The following KAZN variants were observed in gnomAD, a reference collection of about 807,000 sequenced individuals.
The protein encoded by KAZN is kazrin.
Under a neutral mutation model 87.4 loss-of-function variants are expected in KAZN, and 40 were observed. The ratio of observed to expected loss-of-function variants is 0.46; its 90% CI spans 0.36 to 0.60. The LOEUF is 0.60. Ranked by LOEUF, KAZN falls within the 20% of genes least tolerant of loss-of-function variation. The pLI is 0.00. For missense variants in KAZN, 898 were observed against 1,073.9 expected (o/e 0.84, Z 2.29); for synonymous variants, 466 against 458.3 (o/e 1.02, Z -0.22).
chr1:14,669,658 G>A (rs1044518100), intron 1 of KAZN, among the ~76,000 whole-genome samples: 7 of 152,126 alleles, frequency 4.6e-5, no homozygotes, highest in Non-Finnish European at 8.8e-5. Flanking sequence ...GGGATGGGAG[G>A]ATCGCTTGAG....
intron 1 of KAZN, among the ~76,000 whole-genome samples, chr1:14,039,552 G>A (rs1489340800): frequency 1.3e-5 from 2 of 152,162 alleles, no homozygotes; most frequent in Admixed American, 1.3e-4. Context: ...TGAAGGTCAC[G>A]GTAGAGCTTG....
At chr1:14,513,358 T>C (rs1671019868) in intron 2 of KAZN, among the ~76,000 whole-genome samples, 2 of 152,178 alleles carry the variant, frequency 1.3e-5, no homozygotes, top group South Asian at 4.1e-4. Context: ...CCCCATTCTT[T>C]TGTTGATAGA....
intron 2 of KAZN, among the ~76,000 whole-genome samples, chr1:14,403,992 TA>T (rs1663631203): frequency 6.6e-6 from 1 of 152,140 alleles, no homozygotes; most frequent in African/African-American, 2.4e-5. Flanking sequence ...TAAGGTTTTA[TA>T]GAGGAACTTG....
intron 2 of KAZN, among the ~76,000 whole-genome samples, chr1:14,390,417 T>C (rs12745910): frequency 0.11 from 16,213 of 152,270 alleles, 1,139 homozygotes; most frequent in Non-Finnish European, 0.16. Context: ...AAATGTTGCA[T>C]AGGGAAGCCA....
chr1:14,183,961 C>G (rs1423311040), intron 2 of KAZN, among the ~76,000 whole-genome samples: 1 of 152,060 alleles, frequency 6.6e-6, no homozygotes, highest in Non-Finnish European at 1.5e-5. Context: ...TTGCCTAAAA[C>G]TTGGCCTGTA....
At chr1:14,911,514 G>A (rs1657246862) in intron 1 of KAZN, among the ~76,000 whole-genome samples, 1 of 152,196 alleles carries the variant, frequency 6.6e-6, no homozygotes, top group Admixed American at 6.5e-5. Flanking sequence ...GGGAAGTTTG[G>A]GTGGTCCCTG....
intron 1 of KAZN, among the ~76,000 whole-genome samples, chr1:14,139,025 C>T (rs994021033): frequency 2.0e-5 from 3 of 152,210 alleles, no homozygotes; most frequent in Non-Finnish European, 4.4e-5. Context: ...AAAGCGGCAG[C>T]CTTCTCTCCT....
At chr1:14,673,496 G>C (rs1249936360) in intron 1 of KAZN, among the ~76,000 whole-genome samples, 1 of 152,232 alleles carries the variant, frequency 6.6e-6, no homozygotes, top group Non-Finnish European at 1.5e-5. Context: ...AAGGCAGTTT[G>C]AAGAATGCCT....
intron 1 of KAZN, among the ~76,000 whole-genome samples, chr1:14,609,836 T>G (rs1476190551): frequency 1.3e-5 from 2 of 152,240 alleles, no homozygotes; most frequent in African/African-American, 2.4e-5. Context: ...GCAATTTAAG[T>G]TGATTTGTCT....
At chr1:14,695,302 G>A (rs1053501087) in intron 1 of KAZN, among the ~76,000 whole-genome samples, 31 of 151,986 alleles carry the variant, frequency 2.0e-4, no homozygotes, top group Admixed American at 2.0e-3. Context: ...GATCTGTAAG[G>A]TTCTCCTTAT....
chr1:14,400,868 T>C (rs1238839285), intron 2 of KAZN, among the ~76,000 whole-genome samples: 8 of 152,254 alleles, frequency 5.3e-5, no homozygotes, highest in African/African-American at 1.7e-4. Context: ...AGTTTTTTCA[T>C]GACATTCCTA....
intron 1 of KAZN, among the ~76,000 whole-genome samples, chr1:14,105,726 C>T (rs1486919796): frequency 6.6e-6 from 1 of 152,216 alleles, no homozygotes; most frequent in African/African-American, 2.4e-5. Context: ...CCTAGTGCCT[C>T]AAAGGATCGC....
chr1:14,958,947 C>T (rs768489346), intron 1 of KAZN, among the ~76,000 whole-genome samples: 12 of 152,170 alleles, frequency 7.9e-5, no homozygotes, highest in Non-Finnish European at 1.2e-4. Flanking sequence ...AGCCAGGTGC[C>T]AGGTGCTGTT....
chr1:14,208,968 G>A lies in KAZN; in HGVS notation c.249+28376G>A, dbSNP rs558537363. Among the ~76,000 whole-genome samples, 3 of 152,336 alleles carry A rather than the reference G, an allele frequency of 2.0e-5. No individual in the cohort carries two copies. The East Asian group carries it at 5.8e-4, about 29-fold the overall frequency. On this transcript the variant is annotated intron_variant, in intron 2 of 16. Transcript: ENST00000636203. ...TACTTTGAGTTAGGAACTATGATGAGAATTGAACACAAGAGCCTCGCAGGA... is the reference window on the plus strand; with the variant it reads ...TACTTTGAGTTAGGAACTATGATGAAAATTGAACACAAGAGCCTCGCAGGA...
In KAZN at chr1:14,735,063, T is replaced by TTTTTGGTTTTG; in HGVS notation, c.226+135845_226+135846insGTTTTGTTTTG. 6.6e-6 allele frequency among the ~76,000 whole-genome samples: 1 copy of TTTTTGGTTTTG among 152,258 alleles called. No individual in the cohort carries two copies. Among genetic ancestry groups the TTTTTGGTTTTG allele is most frequent in the African/African-American group, 2.4e-5 (1 of 41,526 alleles). ...GGATGCTAAATGGTCATGCTGGTTT[T>TTTTTGGTTTTG]TTTTGTTTTGTTTTGAGACGGAGTC... On this transcript the variant is annotated intron_variant, in intron 1 of 14. Coordinates refer to ENST00000376030, the MANE Select transcript of KAZN (RefSeq NM_201628.3). The surrounding 1 kb of genome is among the most constrained non-coding windows in gnomAD (Gnocchi z 4.3).
chr1:14,693,815 T>C (rs1334709995), intron 1 of KAZN, among the ~76,000 whole-genome samples: 1 of 152,214 alleles, frequency 6.6e-6, no homozygotes, highest in East Asian at 1.9e-4. Flanking sequence ...GCATGTTAAG[T>C]TGTGCTTGCT....
chr1:14,166,965 C>G (rs1246694311), intron 1 of KAZN, among the ~76,000 whole-genome samples: 1 of 152,190 alleles, frequency 6.6e-6, no homozygotes, highest in East Asian at 1.9e-4. Flanking sequence ...TCCCCTAACT[C>G]TGTATGAAGA....
At chr1:14,589,919 A>G (rs1271780571) in intron 2 of KAZN, among the ~76,000 whole-genome samples, 1 of 152,192 alleles carries the variant, frequency 6.6e-6, no homozygotes, top group African/African-American at 2.4e-5. Flanking sequence ...AGAATCTGGG[A>G]AAAGAATGGG....
chr1:14,925,961 A>G (rs767794336), intron 1 of KAZN, among the ~76,000 whole-genome samples: 1 of 152,218 alleles, frequency 6.6e-6, no homozygotes, highest in African/African-American at 2.4e-5. Context: ...TTGAGACTCA[A>G]TTTACCCATC....
Sources: gnomAD v4.1 joint callset for allele counts (sites outside exome capture counted in the v4.1 genomes callset) on GRCh38, gnomAD v4.1.1 for gene constraint, Gnocchi (gnomAD v3.1) non-coding constraint, MANE v1.5 for transcripts, NCBI Gene and HGNC (gene_info 2026-07-23, HGNC 2026-07-21) for gene names.